AGAP1: variants seen among roughly 807,000 people sequenced by gnomAD.
AGAP1 encodes ArfGAP with GTPase domain, ankyrin repeat and PH domain 1.
AGAP1 carries 29 observed loss-of-function variants against 105.3 expected under a neutral mutation model. That is an observed-to-expected ratio of 0.28 (90% CI 0.21 to 0.38). The LOEUF (loss-of-function observed/expected upper bound fraction) is 0.38. Among genes scored for constraint, AGAP1 ranks in the 10% least tolerant of loss-of-function variants. The probability of loss-of-function intolerance (pLI) is 1.00; values close to 1 mark genes in which losing one functional copy is unlikely to be tolerated. For missense variants in AGAP1, 998 were observed against 1,165.1 expected, an observed-to-expected ratio of 0.86 and a Z score of 2.09; for synonymous variants, 509 against 485.9, an observed-to-expected ratio of 1.05 and a Z score of -0.63.
chr2:235,683,013 G>C (rs948785153), intron 1 of AGAP1, among the ~76,000 whole-genome samples: 7 of 152,052 alleles, frequency 4.6e-5, no homozygotes, highest in Admixed American at 3.3e-4. Flanking sequence ...TTCCCTTTAA[G>C]ACAGAACTGA....
At chr2:235,666,706 A>G (rs10929144) in intron 1 of AGAP1, among the ~76,000 whole-genome samples, 4,658 of 151,028 alleles carry the variant, frequency 0.031, 236 homozygotes, top group African/African-American at 0.1. Context: ...ATGGATTCTC[A>G]ACAAAGGTAC....
intron 1 of AGAP1, among the ~76,000 whole-genome samples, chr2:235,694,879 C>T (rs1949924982): frequency 6.6e-6 from 1 of 152,136 alleles, no homozygotes. Flanking sequence ...TGTGTAAGCA[C>T]CAGGATGCAT....
intron 1 of AGAP1, among the ~76,000 whole-genome samples, chr2:235,703,170 C>CTGACCTCAAAT (rs1950342760): frequency 6.6e-6 from 1 of 151,978 alleles, no homozygotes; most frequent in Non-Finnish European, 1.5e-5. Context: ...TCAAGTGATC[C>CTGACCTCAAAT]GCCTGCCTCA....
In AGAP1 at chr2:235,612,109, G is replaced by T. The variant is rs1467118524; in HGVS notation, c.164-97070G>T. 2.6e-5 allele frequency among the ~76,000 whole-genome samples: 4 copies of T among 152,222 alleles called. No individual in the cohort carries two copies. Among genetic ancestry groups the T allele is most frequent in the Admixed American group, 2.6e-4 (4 of 15,288 alleles). The stretch of plus-strand genomic sequence containing the variant: ...TATTTTCTACTTGTAATCGTAATCT[G>T]AGTGCAATTTCAGGACTTTGTTTTC... On this transcript the variant is annotated intron_variant, in intron 1 of 17. Coordinates refer to ENST00000304032, the MANE Select transcript of AGAP1 (RefSeq NM_001037131.3). This position sits in a 1 kb window ranked among gnomAD's most constrained non-coding sequence, Gnocchi z 4.3.
Position 236,056,362 on chromosome 2 carries a change from C to T in AGAP1, c.2114+7081C>T, listed in dbSNP as rs749547531. 2.0e-5 allele frequency among the ~76,000 whole-genome samples: 3 copies of T among 152,134 alleles called. No homozygotes were observed. Among genetic ancestry groups the T allele is most frequent in the South Asian group, 2.1e-4 (1 of 4,822 alleles). On this transcript the variant is annotated intron_variant, in intron 16 of 17. Transcript: ENST00000304032. This position sits in a 1 kb window ranked among gnomAD's most constrained non-coding sequence, Gnocchi z 4.6. ...TAGGGTTGAAAATCCTTATCATTTA[C>T]GTTCTGAAATACGGCCGTCGTGACA...
In AGAP1 at chr2:235,537,793, C is replaced by T. The variant is rs139828676; in HGVS notation, c.163+42944C>T. 4.1e-4 allele frequency among the ~76,000 whole-genome samples: 63 copies of T among 152,262 alleles called. 1 individual carries two copies. Among genetic ancestry groups the T allele is most frequent in the South Asian group, 6.2e-4 (3 of 4,814 alleles). ...ACTGAATGATCGGAAGGACTCACTGCTGGCAGTCACTTGTGTGTTTTGTGT... is the reference window on the plus strand; with the variant it reads ...ACTGAATGATCGGAAGGACTCACTGTTGGCAGTCACTTGTGTGTTTTGTGT... On this transcript the variant is annotated intron_variant, in intron 1 of 17. Coordinates refer to ENST00000304032, the MANE Select transcript of AGAP1 (RefSeq NM_001037131.3).
chr2:236,029,785 C>T (rs1364317611), intron 13 of AGAP1, among the ~76,000 whole-genome samples: 8 of 151,998 alleles, frequency 5.3e-5, no homozygotes, highest in Non-Finnish European at 1.0e-4. Context: ...TTCACCCAGG[C>T]TAGAGTACAT....
intron 1 of AGAP1, among the ~76,000 whole-genome samples, chr2:235,541,756 A>G (rs1192794069): frequency 1.3e-5 from 2 of 152,178 alleles, no homozygotes; most frequent in East Asian, 3.8e-4. Context: ...TTATGTATAT[A>G]ATGTCCCTAA....
rs1458545836 is a variant in AGAP1, at chr2:236,121,370, AGCTCACTGCAACCTCC to A, written c.2370+926_2370+941del. ...GGCTGGAGTGCAGTGGTGCGATCTC[AGCTCACTGCAACCTCC>A]GCCTCCCAGGTTCAAGCAATTCTCC... On this transcript the variant is annotated intron_variant, in intron 17 of 17. Transcript: ENST00000304032. This position sits in a 1 kb window ranked among gnomAD's most constrained non-coding sequence, Gnocchi z 4.9. Among the ~76,000 whole-genome samples, 9 of 152,058 alleles carry A rather than the reference AGCTCACTGCAACCTCC, an allele frequency of 5.9e-5. No homozygotes were observed. The highest frequency in any genetic ancestry group is 1.0e-4 in the Non-Finnish European group (7 of 68,006).
At chr2:235,849,330 T>C (rs980828401) in intron 9 of AGAP1, among the ~76,000 whole-genome samples, 1 of 152,228 alleles carries the variant, frequency 6.6e-6, no homozygotes, top group African/African-American at 2.4e-5. Context: ...CGAGGGCCAA[T>C]TATGAGTACA....
intron 9 of AGAP1, among the ~76,000 whole-genome samples, chr2:235,840,255 C>T (rs963932421): frequency 6.0e-5 from 9 of 149,396 alleles, no homozygotes; most frequent in African/African-American, 1.7e-4. Flanking sequence ...TGGCTTCAGC[C>T]GCTGTCCATT....
At chr2:235,730,075 T>C (rs1443078557) in intron 3 of AGAP1, among the ~76,000 whole-genome samples, 1 of 152,162 alleles carries the variant, frequency 6.6e-6, no homozygotes, top group African/African-American at 2.4e-5. Flanking sequence ...AACAAGTACC[T>C]TATTTACATT....
intron 9 of AGAP1, among the ~76,000 whole-genome samples, chr2:235,881,292 A>G (rs1440515681): frequency 1.3e-5 from 2 of 152,318 alleles, no homozygotes; most frequent in Non-Finnish European, 2.9e-5. Context: ...CTTGAAAGAT[A>G]GCAGAATTTA....
intron 12 of AGAP1, among the ~76,000 whole-genome samples, chr2:235,945,387 G>A (rs79151386): frequency 0.017 from 2,550 of 152,264 alleles, 29 homozygotes; most frequent in Non-Finnish European, 0.027. Context: ...CATTACAGAA[G>A]CATGGTTAAC....
In AGAP1 at chr2:235,875,413, G is replaced by A. The variant is rs1016809389; in HGVS notation, c.1051-7932G>A. 1.3e-5 allele frequency among the ~76,000 whole-genome samples: 2 copies of A among 152,150 alleles called. No individual in the cohort carries two copies. Among genetic ancestry groups the A allele is most frequent in the African/African-American group, 2.4e-5 (1 of 41,426 alleles). On this transcript the variant is annotated intron_variant, in intron 9 of 17. Transcript: ENST00000304032. This position sits in a 1 kb window ranked among gnomAD's most constrained non-coding sequence, Gnocchi z 4.0. Reference sequence around the variant, plus strand: ...TGAGAGATCTGATTCCCAGCGGACCGGCCTTCCTCACTCGATGATTGTCAG... The same window carrying A: ...TGAGAGATCTGATTCCCAGCGGACCAGCCTTCCTCACTCGATGATTGTCAG...
Position 235,866,223 on chromosome 2 carries a change from A to G in AGAP1, c.1051-17122A>G, listed in dbSNP as rs78064181. On this transcript the variant is annotated intron_variant, in intron 9 of 17. Coordinates refer to ENST00000304032, the MANE Select transcript of AGAP1 (RefSeq NM_001037131.3). This position sits in a 1 kb window ranked among gnomAD's most constrained non-coding sequence, Gnocchi z 6.1. ...TTATTTTCTGAGACTAGGAGTATCT[A>G]TAACTTGGTGTGGTTATTCTTGCAG... Among the ~76,000 whole-genome samples, 1 of 152,276 alleles carries G rather than the reference A, an allele frequency of 6.6e-6. No individual in the cohort carries two copies. Among genetic ancestry groups the G allele is most frequent in the African/African-American group, 2.4e-5 (1 of 41,550 alleles).
At chr2:235,636,113 C>CAGTA (rs1553592464) in intron 1 of AGAP1, among the ~76,000 whole-genome samples, 5 of 96,466 alleles carry the variant, frequency 5.2e-5, no homozygotes, top group Non-Finnish European at 8.2e-5. Context: ...GACTCTGTCT[C>CAGTA]AGTAAATAAA....
At chr2:235,892,980 C>T (rs2050616105) in intron 10 of AGAP1, among the ~76,000 whole-genome samples, 2 of 152,208 alleles carry the variant, frequency 1.3e-5, no homozygotes, top group Admixed American at 1.3e-4. Flanking sequence ...GTCTGGCACG[C>T]TGCTGCAGAA....
chr2:235,629,446 A>G (rs916282572), intron 1 of AGAP1, among the ~76,000 whole-genome samples: 1 of 152,132 alleles, frequency 6.6e-6, no homozygotes, highest in African/African-American at 2.4e-5. Context: ...CTCTGGCCCT[A>G]GTCAGACACC....
Sources: gnomAD v4.1 joint callset for allele counts (sites outside exome capture counted in the v4.1 genomes callset) on GRCh38, gnomAD v4.1.1 for gene constraint, Gnocchi (gnomAD v3.1) non-coding constraint, MANE v1.5 for transcripts, NCBI Gene and HGNC (gene_info 2026-07-23, HGNC 2026-07-21) for gene names.